Variants in SP2 observed in about 807,000 individuals in gnomAD.
SP2 encodes Sp2 transcription factor, also known as transcription factor Sp2.
SP2 carries 9 observed loss-of-function variants against 50.1 expected under a neutral mutation model. The ratio of observed to expected loss-of-function variants is 0.18; its 90% CI spans 0.11 to 0.31. The LOEUF (loss-of-function observed/expected upper bound fraction) is 0.31. Among genes scored for constraint, SP2 ranks in the 10% least tolerant of loss-of-function variants. SP2 has a pLI of 1.00. For synonymous variants in SP2, 313 were observed against 326.6 expected, an observed-to-expected ratio of 0.96 and a Z score of 0.45; for missense variants, 581 against 806.5, an observed-to-expected ratio of 0.72 and a Z score of 3.39.
intron 1 of SP2, among the ~76,000 whole-genome samples, chr17:47,910,101 A>G (rs542282254): frequency 6.6e-6 from 1 of 152,232 alleles, no homozygotes; most frequent in African/African-American, 2.4e-5. Flanking sequence ...AACCTCCCAA[A>G]GTGCTGGGAT....
At chr17:47,931,450 A>C (rs948953012), downstream of SP2, among the ~76,000 whole-genome samples, 1 of 152,176 alleles carries the variant, frequency 6.6e-6, no homozygotes, top group African/African-American at 2.4e-5. Flanking sequence ...ATTTTGAGGA[A>C]GACAGGATGG....
chr17:47,905,894 A>G (rs1006364045), intron 1 of SP2, among the ~76,000 whole-genome samples: 6 of 152,198 alleles, frequency 3.9e-5, no homozygotes, highest in Admixed American at 1.3e-4. Flanking sequence ...TTCAGGCTCC[A>G]AGTGAGACAG....
chr17:47,905,658 G>T (rs565932581), intron 1 of SP2, among the ~76,000 whole-genome samples: 4 of 152,278 alleles, frequency 2.6e-5, no homozygotes, highest in Admixed American at 1.3e-4. Context: ...TTCCTGTTAC[G>T]TGCTCTCCCC....
At chr17:47,924,007 A>C (rs1392226136) in intron 4 of SP2, among the ~76,000 whole-genome samples, 1 of 151,846 alleles carries the variant, frequency 6.6e-6, no homozygotes, top group Non-Finnish European at 1.5e-5. Flanking sequence ...GCCCATCCTT[A>C]ATGAATGTTT....
intron 4 of SP2, among the ~76,000 whole-genome samples, chr17:47,924,063 AG>A (rs1220497977): frequency 5.3e-5 from 8 of 151,800 alleles, no homozygotes; most frequent in African/African-American, 1.9e-4. Flanking sequence ...GACCCCCAAG[AG>A]GATAAGGCAT....
chr17:47,901,292 C>A (rs945733206), intron 1 of SP2, among the ~76,000 whole-genome samples: 29 of 151,824 alleles, frequency 1.9e-4, no homozygotes, highest in Admixed American at 7.9e-4. Flanking sequence ...GGACTACAGG[C>A]ACGTGCCACC....
At chr17:47,907,312 G>A (rs992557071) in intron 1 of SP2, among the ~76,000 whole-genome samples, 51 of 152,210 alleles carry the variant, frequency 3.4e-4, no homozygotes, top group African/African-American at 1.2e-3. Context: ...GAAACTCAGG[G>A]GATGCTTTTC....
At chr17:47,911,857 C>T (rs143471913) in intron 1 of SP2, among the ~76,000 whole-genome samples, 1 of 151,896 alleles carries the variant, frequency 6.6e-6, no homozygotes, top group Non-Finnish European at 1.5e-5. Flanking sequence ...AATAAAAAGG[C>T]CTCTGCGGAG....
chr17:47,910,158 TGTC>T (rs1457614082), intron 1 of SP2, among the ~76,000 whole-genome samples: 3 of 152,216 alleles, frequency 2.0e-5, no homozygotes, highest in African/African-American at 4.8e-5. Context: ...AAGTTTTACT[TGTC>T]GTCTAGATCT....
In SP2 at chr17:47,896,274, GGAA is replaced by G; in HGVS notation, c.-10_-8del. 1 of 1,240,258 alleles carries G rather than the reference GGAA, an allele frequency of 8.1e-7. No individual in the cohort carries two copies. The highest frequency in any genetic ancestry group is 1.0e-6 in the Non-Finnish European group (1 of 988,746). The allele number at this position is 1,240,258 out of a possible 1,614,324, so 76.8% of individuals were successfully genotyped here. A position where few individuals can be genotyped will look rare whatever the true frequency, so the allele number is the denominator to read the frequency against. On this transcript the variant is annotated 5_prime_UTR_variant, in exon 1 of 7. The change creates a new upstream start codon in the 5' untranslated region. Coordinates refer to ENST00000376741, the MANE Select transcript of SP2 (RefSeq NM_003110.6). ...CGGCGGAGGCGGCGGAGGCCAGGGA[GGAA>G]GATGTCGTAATGAGCGGTGGGTCCC...
chr17:47,923,798 C>T (rs1804029269), intron 4 of SP2, among the ~76,000 whole-genome samples: 1 of 152,010 alleles, frequency 6.6e-6, no homozygotes, highest in Non-Finnish European at 1.5e-5. Flanking sequence ...GGCTGGAGTG[C>T]AGTGGTGCGA....
chr17:47,911,100 C>T (rs1423802538), intron 1 of SP2, among the ~76,000 whole-genome samples: 2 of 151,836 alleles, frequency 1.3e-5, no homozygotes, highest in African/African-American at 4.8e-5. Flanking sequence ...GTGGTGTGCA[C>T]CAGTGGTCCC....
chr17:47,904,405 G>A (rs1243200791), intron 1 of SP2, among the ~76,000 whole-genome samples: 3 of 152,152 alleles, frequency 2.0e-5, no homozygotes, highest in African/African-American at 7.2e-5. Flanking sequence ...TAGCGGGAGA[G>A]AAATTAAGGA....
Position 47,927,866 on chromosome 17 carries a change from C to T in SP2, c.*42C>T, listed in dbSNP as rs1312093259. The T allele has an allele frequency of 8.2e-7, 1 of 1,215,912 alleles. No homozygotes were observed. The highest frequency in any genetic ancestry group is 1.2e-6 in the Non-Finnish European group (1 of 838,910). The allele number at this position is 1,215,912 out of a possible 1,614,324, so 75.3% of individuals were successfully genotyped here. A position where few individuals can be genotyped will look rare whatever the true frequency, so the allele number is the denominator to read the frequency against. Reference sequence around the variant, plus strand: ...AGGCCCTGAAGATGCAGTCCCCCACCTGTGTCCTCCCTGGGCCCCTGGTGG... The same window carrying T: ...AGGCCCTGAAGATGCAGTCCCCCACTTGTGTCCTCCCTGGGCCCCTGGTGG... On this transcript the variant is annotated 3_prime_UTR_variant, in exon 7 of 7. Coordinates refer to ENST00000376741, the MANE Select transcript of SP2 (RefSeq NM_003110.6).
chr17:47,914,339 C>G (rs2035104821), intron 1 of SP2, among the ~76,000 whole-genome samples: 1 of 151,594 alleles, frequency 6.6e-6, no homozygotes. Flanking sequence ...CCATTGCACT[C>G]CAGCCTGGGC....
intron 2 of SP2, 130 bp downstream of exon 2, chr17:47,915,518 CA>C: frequency 1.8e-6 from 1 of 544,624 alleles, no homozygotes; most frequent in East Asian, 3.2e-5. Flanking sequence ...CAGTTAGCCA[CA>C]TTTTCTTTAC....
In SP2 at chr17:47,925,038, G is replaced by A; in HGVS notation, c.1492G>A (p.Glu498Lys). 1.2e-6 allele frequency: 2 copies of A among 1,614,138 alleles called. No homozygotes were observed. Among genetic ancestry groups the A allele is most frequent in the Non-Finnish European group, 1.7e-6 (2 of 1,179,960 alleles). ...CCTGGCCGGAGAGACCCAGCCCGGG[G>A]AGAAGCGGCGCCGCATGGCCTGCAC... ...QALAGETQPG[E>K]KRRRMACTCP... Residue 498 changes from glutamate (E) to lysine (K), a missense_variant, in exon 5 of 7, where the codon GAG (glutamate) becomes AAG (lysine). Coordinates refer to ENST00000376741, the MANE Select transcript of SP2 (RefSeq NM_003110.6).
At position 47,916,660 on chromosome 17, in the gene SP2, G is replaced by A. The variant is rs1598145549; in HGVS notation, c.589G>A (p.Gly197Arg). The change falls in exon 3 of 7, where the codon GGG becomes AGG. Residue 197 changes from glycine (G) to arginine (R), a missense_variant. Gly to Arg is a moderately radical substitution (Grantham distance 125). Transcript: ENST00000376741. The surrounding 1 kb of genome is among the most constrained non-coding windows in gnomAD (Gnocchi z 4.7). Reference sequence around the variant, plus strand: ...TACGACCACCACCCCCGTGCAGAGCGGGGCCAATGTGGTGAAGCTGACAGG... The same window carrying A: ...TACGACCACCACCCCCGTGCAGAGCAGGGCCAATGTGGTGAAGCTGACAGG... ...SSTTTTPVQS[G>R]ANVVKLTGGG... The A allele has an allele frequency of 9.9e-6, 16 of 1,613,790 alleles. No individual in the cohort carries two copies. Among genetic ancestry groups the A allele is most frequent in the East Asian group, 4.5e-5 (2 of 44,880 alleles).
chr17:47,908,146 A>G (rs2034838343), intron 1 of SP2, among the ~76,000 whole-genome samples: 1 of 152,226 alleles, frequency 6.6e-6, no homozygotes, highest in Non-Finnish European at 1.5e-5. Flanking sequence ...AACGTCCAGC[A>G]CTAGCAGTCT....
Sources: gnomAD v4.1 joint callset for allele counts (sites outside exome capture counted in the v4.1 genomes callset) on GRCh38, gnomAD v4.1.1 for gene constraint, Gnocchi (gnomAD v3.1) non-coding constraint, MANE v1.5 for transcripts, NCBI Gene and HGNC (gene_info 2026-07-23, HGNC 2026-07-21) for gene names.